The following PCDHGA3 variants were observed in gnomAD, a reference collection of about 807,000 sequenced individuals.
The protein encoded by PCDHGA3 is protocadherin gamma subfamily A, 3, also known as protocadherin gamma-A3.
A neutral mutation model predicts 58.5 loss-of-function variants in PCDHGA3; 40 were observed. The observed-to-expected ratio is 0.68, with a 90% CI of 0.53 to 0.89. PCDHGA3 has a LOEUF of 0.89. Among genes scored for constraint, PCDHGA3 ranks in the 40% least tolerant of loss-of-function variants. The pLI is 0.00. For synonymous variants in PCDHGA3, 530 were observed against 525.7 expected (o/e 1.01, Z -0.11); for missense variants, 1,223 against 1,195.9 (o/e 1.02, Z -0.33).
intron 1 of PCDHGA3, chr5:141,357,818 C>A (rs569420101): frequency 1.4e-6 from 1 of 707,926 alleles, no homozygotes; most frequent in Non-Finnish European, 2.3e-6. Context: ...ATTACTTATC[C>A]TTTTTGGTCT....
intron 1 of PCDHGA3, chr5:141,428,311 G>A: frequency 3.0e-6 from 2 of 671,726 alleles, no homozygotes; most frequent in Non-Finnish European, 5.3e-6. Context: ...CCTGGTCGTG[G>A]CCTTGGCCTT....
rs967535805 is a variant in PCDHGA3 at position 141,490,206 on chromosome 5, C to T, written c.2425-4601C>T. 2.4e-5 allele frequency: 38 copies of T among 1,614,050 alleles called. No homozygotes were observed. In the Admixed American group the frequency reaches 5.0e-4, roughly 21 times the overall value. ...GTTTCTATGAAATTCATGCAAGAGCCCGTGACCAGGGACAGCCTGCCATGG... is the reference window on the plus strand; with the variant it reads ...GTTTCTATGAAATTCATGCAAGAGCTCGTGACCAGGGACAGCCTGCCATGG... On this transcript the variant is annotated intron_variant, in intron 1 of 3. Coordinates refer to ENST00000253812, the MANE Select transcript of PCDHGA3 (RefSeq NM_018916.4). This position sits in a 1 kb window ranked among gnomAD's most constrained non-coding sequence, Gnocchi z 5.4.
chr5:141,368,483 A>G (rs1235581862), intron 1 of PCDHGA3, among the ~76,000 whole-genome samples: 1 of 152,210 alleles, frequency 6.6e-6, no homozygotes. Context: ...GAGTAACAAG[A>G]GAATCTATAC....
chr5:141,391,885 G>C (rs1250781964), intron 1 of PCDHGA3: 2 of 152,194 alleles, frequency 1.3e-5, no homozygotes, highest in Non-Finnish European at 2.9e-5. Flanking sequence ...TGGTGAAAGG[G>C]ATGGGATGGA....
At chr5:141,398,746 T>TAC in intron 1 of PCDHGA3, 1 of 1,613,420 alleles carries the variant, frequency 6.2e-7, no homozygotes, top group South Asian at 1.1e-5. Context: ...ACAACAGAGT[T>TAC]ACCATCGTTT....
intron 1 of PCDHGA3, chr5:141,382,914 G>T: frequency 6.4e-7 from 1 of 1,552,980 alleles, no homozygotes; most frequent in South Asian, 1.2e-5. Context: ...CGGCTCAGCC[G>T]AGGGGCGGGG....
intron 1 of PCDHGA3, chr5:141,478,942 C>G: frequency 1.7e-6 from 1 of 579,218 alleles, no homozygotes; most frequent in Non-Finnish European, 2.9e-6. Context: ...TCTAGGAATA[C>G]AAAAACTACC....
intron 1 of PCDHGA3, among the ~76,000 whole-genome samples, chr5:141,358,062 T>G (rs1354480286): frequency 7.9e-5 from 12 of 152,248 alleles, no homozygotes; most frequent in Non-Finnish European, 1.5e-5. Context: ...TGGTGGTGTG[T>G]GCCCGTAGTC....
At chr5:141,385,965 G>A (rs368454164) in intron 1 of PCDHGA3, 2 of 152,134 alleles carry the variant, frequency 1.3e-5, no homozygotes, top group Non-Finnish European at 2.9e-5. Flanking sequence ...AAAGGCCATC[G>A]GACAAAACCA....
chr5:141,415,311 C>T, intron 1 of PCDHGA3: 2 of 1,614,242 alleles, frequency 1.2e-6, no homozygotes, highest in Non-Finnish European at 1.7e-6. Context: ...TGGCCTTCGT[C>T]ATCGTGCTGC....
At chr5:141,372,128 G>C in intron 1 of PCDHGA3, 1 of 1,613,702 alleles carries the variant, frequency 6.2e-7, no homozygotes, top group Non-Finnish European at 8.5e-7. Context: ...TCGATATGGT[G>C]CCGCGCTCTG....
Position 141,511,464 on chromosome 5 carries a change from C to G in PCDHGA3, c.*291C>G. 1.9e-6 allele frequency: 1 copy of G among 538,254 alleles called. No individual in the cohort carries two copies. The highest frequency in any genetic ancestry group is 2.1e-5 in the South Asian group (1 of 47,028). The allele number at this position is 538,254 out of a possible 1,614,324, so 33.3% of individuals were successfully genotyped here. On this transcript the variant is annotated 3_prime_UTR_variant, in exon 4 of 4. Transcript: ENST00000253812. ...ACACCAAGAACCATTTGCCACACCC[C>G]GTTTAGTTACAGCTGAACTCCTCCA...
chr5:141,404,681 C>T, intron 1 of PCDHGA3: 1 of 1,614,092 alleles, frequency 6.2e-7, no homozygotes, highest in Non-Finnish European at 8.5e-7. Context: ...TGGTGTGGAG[C>T]TGGCACCCCG....
At chr5:141,497,212 G>C (rs968445663) in intron 2 of PCDHGA3, among the ~76,000 whole-genome samples, 2 of 151,018 alleles carry the variant, frequency 1.3e-5, no homozygotes, top group East Asian at 3.9e-4. Context: ...AGTGTAATGG[G>C]GGGGGGAAGA....
At chr5:141,366,474 G>T (rs1339425803) in intron 1 of PCDHGA3, 10 of 1,614,248 alleles carry the variant, frequency 6.2e-6, no homozygotes, top group Non-Finnish European at 8.5e-6. Context: ...CTGGTGCTCA[G>T]ACTGAGGCGC....
At chr5:141,475,161 A>G (rs1433985907) in intron 1 of PCDHGA3, among the ~76,000 whole-genome samples, 1 of 152,138 alleles carries the variant, frequency 6.6e-6, no homozygotes, top group Non-Finnish European at 1.5e-5. Context: ...CTTCTTCATT[A>G]GCAGTGCAAC....
intron 1 of PCDHGA3, chr5:141,366,507 A>C: frequency 1.2e-6 from 2 of 1,614,238 alleles, no homozygotes; most frequent in Non-Finnish European, 8.5e-7. Flanking sequence ...CGCCTGCTTC[A>C]GGCTGAAGGC....
At position 141,413,553 on chromosome 5, in the gene PCDHGA3, A is replaced by G; in HGVS notation, c.2424+67096A>G. On this transcript the variant is annotated intron_variant, in intron 1 of 3. Coordinates refer to ENST00000253812, the MANE Select transcript of PCDHGA3 (RefSeq NM_018916.4). ...TGAAACTTTTTGGGATAGAAATAGA[A>G]GTAACTGATATCAATGACAATGCTC... The G allele has an allele frequency of 6.2e-7, 1 of 1,613,938 alleles. No individual in the cohort carries two copies. Among genetic ancestry groups the G allele is most frequent in the Non-Finnish European group, 8.5e-7 (1 of 1,179,902 alleles).
In PCDHGA3 at chr5:141,345,273, C is replaced by A. The variant is rs956533748; in HGVS notation, c.1240C>A (p.Gln414Lys). Residue 414 changes from glutamine (Q) to lysine (K), a missense_variant, in exon 1 of 4, where the codon CAA (glutamine) becomes AAA (lysine). Coordinates refer to ENST00000253812, the MANE Select transcript of PCDHGA3 (RefSeq NM_018916.4). ...LVTATSLDRE[Q>K]ISEYNISLRA... ...GACGGCCACATCCCTGGACCGCGAA[C>A]AAATATCAGAATATAACATTAGTCT... The A allele has an allele frequency of 6.2e-6, 10 of 1,613,808 alleles. No homozygotes were observed. Among genetic ancestry groups the A allele is most frequent in the African/African-American group, 1.3e-5 (1 of 74,882 alleles).
Sources: allele counts gnomAD v4.1 joint callset (sites outside exome capture counted in the v4.1 genomes callset), GRCh38; gene constraint gnomAD v4.1.1; non-coding constraint Gnocchi (gnomAD v3.1); transcripts MANE v1.5; gene names NCBI Gene and HGNC (gene_info 2026-07-23, HGNC 2026-07-21).